The following AFG2A variants were observed in gnomAD, a reference collection of about 807,000 sequenced individuals.
AFG2A encodes AAA ATPase AFG2A, also known as ATPase family gene 2 protein homolog A.
chr4:123,181,047 C>G, the AFG2A span, among the ~76,000 whole-genome samples: 1 of 148,656 alleles, frequency 6.7e-6, no homozygotes. Flanking sequence ...TGCAGTGGCG[C>G]GATCTCGGCT....
At chr4:123,005,844 G>C in the AFG2A span, among the ~76,000 whole-genome samples, 2 of 152,066 alleles carry the variant, frequency 1.3e-5, no homozygotes, top group African/African-American at 4.8e-5. Flanking sequence ...TGCTATTGTT[G>C]TCATATGTTT....
At chr4:123,074,924 C>T in the AFG2A span, among the ~76,000 whole-genome samples, 123,997 of 152,060 alleles carry the variant, frequency 0.82, 52,232 homozygotes, top group East Asian at 0.97. Flanking sequence ...GTATTTTGGG[C>T]TTTTCTCAAT....
At chr4:123,281,014 CT>C in the AFG2A span, among the ~76,000 whole-genome samples, 45 of 151,368 alleles carry the variant, frequency 3.0e-4, no homozygotes, top group Non-Finnish European at 5.2e-4. Flanking sequence ...CATTTTTGTT[CT>C]TTTTTTTAAT....
At chr4:123,032,844 T>G in the AFG2A span, among the ~76,000 whole-genome samples, 4 of 152,254 alleles carry the variant, frequency 2.6e-5, no homozygotes, top group African/African-American at 9.6e-5. Flanking sequence ...CATTCTAGAA[T>G]GTACTGTGTT....
chr4:123,043,992 T>G, the AFG2A span, among the ~76,000 whole-genome samples: 4 of 152,226 alleles, frequency 2.6e-5, no homozygotes, highest in Admixed American at 1.3e-4. Context: ...CATGTTTGCT[T>G]TGACTGGACT....
chr4:123,121,265 A>AAT, the AFG2A span, among the ~76,000 whole-genome samples: 11 of 147,142 alleles, frequency 7.5e-5, no homozygotes, highest in Non-Finnish European at 1.6e-4. Flanking sequence ...AAAAAATAAT[A>AAT]AATAAAAAAT....
chr4:123,271,335 T>C, the AFG2A span, among the ~76,000 whole-genome samples: 113 of 152,336 alleles, frequency 7.4e-4, no homozygotes, highest in African/African-American at 2.5e-3. Flanking sequence ...TCTTCTATGC[T>C]TTTTTGCCAT....
chr4:122,938,183 G>A, the AFG2A span: 25 of 1,609,420 alleles, frequency 1.6e-5, no homozygotes. Context: ...AAAGAGAGGG[G>A]GCCCAGAATG....
chr4:123,214,959 G>C, the AFG2A span, among the ~76,000 whole-genome samples: 1 of 151,976 alleles, frequency 6.6e-6, no homozygotes, highest in Non-Finnish European at 1.5e-5. Flanking sequence ...GAGAGTCTCA[G>C]GTTAAAGGAG....
At chr4:122,923,672 C>G in the AFG2A span, among the ~76,000 whole-genome samples, 4 of 152,158 alleles carry the variant, frequency 2.6e-5, no homozygotes, top group African/African-American at 9.7e-5. Context: ...ATAACCAATT[C>G]AGTAAAAATG....
At chr4:122,958,074 C>T in the AFG2A span, among the ~76,000 whole-genome samples, 4 of 152,114 alleles carry the variant, frequency 2.6e-5, no homozygotes, top group African/African-American at 4.8e-5. Context: ...TTTTTTTCCA[C>T]TCTTTGTTGC....
the AFG2A span, among the ~76,000 whole-genome samples, chr4:123,246,572 T>C: frequency 3.3e-5 from 5 of 152,260 alleles, no homozygotes; most frequent in East Asian, 9.6e-4. Context: ...AAGCATCCTC[T>C]ACCAGTGCTT....
At chr4:123,258,127 TGTG>T in the AFG2A span, among the ~76,000 whole-genome samples, 65 of 152,216 alleles carry the variant, frequency 4.3e-4, no homozygotes, top group Non-Finnish European at 7.9e-4. Context: ...GGCATCCCAT[TGTG>T]GTCCTATTTA....
At chr4:123,176,477 T>A in the AFG2A span, among the ~76,000 whole-genome samples, 85,438 of 152,020 alleles carry the variant, frequency 0.56, 26,997 homozygotes, top group Non-Finnish European at 0.7. Context: ...TTACAGCAAG[T>A]CCTATAACAT....
the AFG2A span, chr4:122,923,161 A>G: frequency 6.2e-7 from 1 of 1,614,236 alleles, no homozygotes; most frequent in Non-Finnish European, 8.5e-7. Context: ...CAAGAAGAAT[A>G]GAAAGCGGTT....
At chr4:123,131,915 C>CATTTTATA in the AFG2A span, among the ~76,000 whole-genome samples, 2 of 51,848 alleles carry the variant, frequency 3.9e-5, no homozygotes. Flanking sequence ...TCCACAGCAG[C>CATTTTATA]TGCACCATTT....
At chr4:123,102,978 C>T in the AFG2A span, among the ~76,000 whole-genome samples, 2 of 151,886 alleles carry the variant, frequency 1.3e-5, no homozygotes, top group Admixed American at 6.6e-5. Flanking sequence ...TTGACACATG[C>T]GTCAGAATAA....
At chr4:123,250,312 A>T in the AFG2A span, among the ~76,000 whole-genome samples, 1 of 152,196 alleles carries the variant, frequency 6.6e-6, no homozygotes, top group Non-Finnish European at 1.5e-5. Flanking sequence ...TCCTTGATAT[A>T]AAGGTCAGAA....
the AFG2A span, chr4:123,314,757 CTTTTT>C: frequency 3.3e-5 from 4 of 120,418 alleles, no homozygotes; most frequent in African/African-American, 3.0e-5. Flanking sequence ...GTTGTTTTGT[CTTTTT>C]TTTTTTTTTT....
Sources: gnomAD v4.1 joint callset for allele counts (sites outside exome capture counted in the v4.1 genomes callset) on GRCh38, gnomAD v4.1.1 for gene constraint, MANE v1.5 for transcripts, NCBI Gene and HGNC (gene_info 2026-07-23, HGNC 2026-07-21) for gene names.